Variants in ATP11A observed in about 807,000 individuals in gnomAD.
ATP11A encodes the protein phospholipid-transporting ATPase IH.
A neutral mutation model predicts 154.4 loss-of-function variants in ATP11A; 81 were observed. That is an observed-to-expected ratio of 0.52 (90% CI 0.44 to 0.63). The LOEUF (loss-of-function observed/expected upper bound fraction) is 0.63. ATP11A is among the 30% of genes least tolerant of loss of function. ATP11A has a pLI of 0.00. For missense variants in ATP11A, 1,316 were observed against 1,474.3 expected (o/e 0.89, Z 1.76); for synonymous variants, 623 against 585.9 (o/e 1.06, Z -0.91).
chr13:112,865,872 T>A (rs1347703938), intron 25 of ATP11A, among the ~76,000 whole-genome samples: 1 of 152,218 alleles, frequency 6.6e-6, no homozygotes, highest in African/African-American at 2.4e-5. Context: ...GTTTTCAGAC[T>A]TTATCTCTGT....
At chr13:112,794,131 AT>A (rs1454275326) in intron 2 of ATP11A, among the ~76,000 whole-genome samples, 2 of 152,176 alleles carry the variant, frequency 1.3e-5, no homozygotes, top group Non-Finnish European at 2.9e-5. Flanking sequence ...GTTTTCCCAG[AT>A]TTCCTGTAGG....
At chr13:112,847,148 G>A (rs1450883908) in intron 17 of ATP11A, among the ~76,000 whole-genome samples, 2 of 152,210 alleles carry the variant, frequency 1.3e-5, no homozygotes, top group Non-Finnish European at 2.9e-5. Context: ...AGCTCTCCGG[G>A]TAGTGAGCTG....
At chr13:112,869,190 A>C (rs925748773) in intron 25 of ATP11A, among the ~76,000 whole-genome samples, 5 of 152,372 alleles carry the variant, frequency 3.3e-5, no homozygotes, top group African/African-American at 9.6e-5. Flanking sequence ...GGATAGCTCC[A>C]CAGTGGACTA....
intron 1 of ATP11A, among the ~76,000 whole-genome samples, chr13:112,730,688 C>G (rs2139688061): frequency 6.6e-6 from 1 of 152,274 alleles, no homozygotes; most frequent in East Asian, 1.9e-4. Flanking sequence ...CATGAGCCTA[C>G]CATGGCAGAT....
At chr13:112,811,610 T>G (rs1407224796) in intron 5 of ATP11A, 1 of 151,868 alleles carries the variant, frequency 6.6e-6, no homozygotes, top group Non-Finnish European at 1.5e-5. Flanking sequence ...AAAATGTATT[T>G]ATTTATTTTT....
chr13:112,816,549 G>A (rs951226981), intron 6 of ATP11A, among the ~76,000 whole-genome samples: 2 of 152,104 alleles, frequency 1.3e-5, no homozygotes, highest in African/African-American at 4.8e-5. Context: ...ACCCATGCAG[G>A]AGCAGCCATA....
rs897022527 is a variant in ATP11A at position 112,819,439 on chromosome 13, G to C, written c.674+32G>C. 1.9e-6 allele frequency: 3 copies of C among 1,595,880 alleles called. No homozygotes were observed. In the African/African-American group the frequency reaches 4.0e-5, roughly 21 times the overall value. On this transcript the variant is annotated intron_variant, in intron 7 of 29. Coordinates refer to ENST00000375645, the MANE Select transcript of ATP11A (RefSeq NM_015205.3). ...GGGAGCTTTGGGTTCTTTAGAAACG[G>C]TTTTTTATGCCCTCAACATTGCTCT...
At chr13:112,876,005 A>T in intron 28 of ATP11A, 64 bp downstream of exon 28, 1 of 1,544,944 alleles carries the variant, frequency 6.5e-7, no homozygotes, top group Non-Finnish European at 8.7e-7. Context: ...TTGGGAGATG[A>T]CCGTTTTGAA....
intron 1 of ATP11A, among the ~76,000 whole-genome samples, chr13:112,743,160 C>T (rs1292326261): frequency 6.6e-6 from 1 of 152,204 alleles, no homozygotes; most frequent in East Asian, 1.9e-4. Context: ...TCTGCTTACT[C>T]CCTGTGATGA....
chr13:112,777,492 A>G (rs1364844019), intron 1 of ATP11A, among the ~76,000 whole-genome samples: 1 of 152,138 alleles, frequency 6.6e-6, no homozygotes, highest in East Asian at 1.9e-4. Flanking sequence ...TGAACCCGGG[A>G]GGCGAAGGTT....
At chr13:112,881,662 C>G in intron 29 of ATP11A, 1 of 1,209,758 alleles carries the variant, frequency 8.3e-7, no homozygotes, top group South Asian at 1.5e-5. Context: ...GGATCCCGCC[C>G]GGCCTGCCCT....
intron 1 of ATP11A, among the ~76,000 whole-genome samples, chr13:112,751,257 C>T (rs1187123301): frequency 6.6e-6 from 1 of 152,226 alleles, no homozygotes; most frequent in African/African-American, 2.4e-5. Context: ...GCTAAATTGC[C>T]ACCGTACGTT....
At position 112,883,440 on chromosome 13, in the gene ATP11A, C is replaced by A; in HGVS notation, c.*1574C>A. On this transcript the variant is annotated 3_prime_UTR_variant, in exon 30 of 30. Transcript: ENST00000375645. ...GGAGGAGCCGGCCCTCACGCCCGCC[C>A]CGCGCCACGCTGTGGAACGGGGCTC... 2.7e-6 allele frequency: 1 copy of A among 375,502 alleles called. No individual in the cohort carries two copies. Among genetic ancestry groups the A allele is most frequent in the South Asian group, 1.5e-4 (1 of 6,838 alleles). 23.3% of individuals were successfully genotyped at this position (375,502 alleles called of 1,614,324 possible).
intron 13 of ATP11A, among the ~76,000 whole-genome samples, chr13:112,832,124 A>G (rs2079110835): frequency 6.6e-6 from 1 of 152,176 alleles, no homozygotes; most frequent in Admixed American, 6.5e-5. Context: ...ACGCACAGAC[A>G]CATGCTCACA....
At chr13:112,709,910 G>A (rs1444955569) in intron 1 of ATP11A, among the ~76,000 whole-genome samples, 1 of 152,392 alleles carries the variant, frequency 6.6e-6, no homozygotes, top group African/African-American at 2.4e-5. Flanking sequence ...CGCCCATGAG[G>A]GCATAGCCCA....
At chr13:112,714,310 T>TCTC (rs1161061599) in intron 1 of ATP11A, among the ~76,000 whole-genome samples, 3 of 152,064 alleles carry the variant, frequency 2.0e-5, no homozygotes, top group African/African-American at 7.2e-5. Flanking sequence ...GTGTTCTCCA[T>TCTC]CTCCTGGTCT....
At position 112,855,936 on chromosome 13, in the gene ATP11A, G is replaced by A. The variant is rs763150438; in HGVS notation, c.2269G>A (p.Gly757Ser). The A allele has an allele frequency of 2.0e-5, 32 of 1,613,406 alleles. No individual in the cohort carries two copies. The highest frequency in any genetic ancestry group is 6.7e-5 in the Admixed American group (4 of 59,890). Residue 757 changes from glycine (G) to serine (S), a missense_variant, in exon 20 of 30, where the codon GGT becomes AGT. Coordinates refer to ENST00000375645, the MANE Select transcript of ATP11A (RefSeq NM_015205.3). The stretch of plus-strand genomic sequence containing the variant: ...ACTTTCAGCAGATATGCAGGACTAC[G>A]GTTTAATTATCGACGGAGCTGCACT... The part of the protein sequence containing the change: ...SGLSADMQDY[G>S]LIIDGAALSL...
intron 1 of ATP11A, among the ~76,000 whole-genome samples, chr13:112,693,222 T>C (rs1356478815): frequency 6.6e-6 from 1 of 152,206 alleles, no homozygotes; most frequent in African/African-American, 2.4e-5. Flanking sequence ...ACCGGAGCCA[T>C]GCAGAGATAC....
chr13:112,800,064 T>C (rs1291671300), intron 2 of ATP11A, among the ~76,000 whole-genome samples: 2 of 152,156 alleles, frequency 1.3e-5, no homozygotes, highest in Non-Finnish European at 2.9e-5. Flanking sequence ...TAGTATTGAC[T>C]ACATAGATTA....
Sources: allele counts gnomAD v4.1 joint callset (sites outside exome capture counted in the v4.1 genomes callset), GRCh38; gene constraint gnomAD v4.1.1; transcripts MANE v1.5; gene names NCBI Gene and HGNC (gene_info 2026-07-23, HGNC 2026-07-21).